Variants in RYR3 observed in about 807,000 individuals in gnomAD.
The protein encoded by RYR3 is ryanodine receptor 3.
RYR3 carries 207 observed loss-of-function variants against 584.3 expected under a neutral mutation model. That is an observed-to-expected ratio of 0.35 (90% CI 0.32 to 0.40). The LOEUF (loss-of-function observed/expected upper bound fraction) is 0.40. RYR3 is among the 10% of genes least tolerant of loss of function. RYR3 has a pLI of 1.00. For synonymous variants in RYR3, 2,416 were observed against 2,248.5 expected, an observed-to-expected ratio of 1.07 and a Z score of -2.11; for missense variants, 5,616 against 6,089.2, an observed-to-expected ratio of 0.92 and a Z score of 2.59.
At chr15:33,852,405 C>G (rs1442436281) in intron 94 of RYR3, 1 of 152,172 alleles carries the variant, frequency 6.6e-6, no homozygotes, top group Non-Finnish European at 1.5e-5. Flanking sequence ...AAGATCATCT[C>G]TCTGGGGATG....
At chr15:33,730,252 T>C (rs1259886896) in intron 47 of RYR3, among the ~76,000 whole-genome samples, 1 of 152,238 alleles carries the variant, frequency 6.6e-6, no homozygotes, top group Admixed American at 6.5e-5. Flanking sequence ...AATAATTTAA[T>C]GTTTTTATAA....
intron 20 of RYR3, among the ~76,000 whole-genome samples, chr15:33,626,963 G>A (rs1047381121): frequency 5.9e-5 from 9 of 152,158 alleles, no homozygotes; most frequent in African/African-American, 2.2e-4. Flanking sequence ...GAAGGAAAAT[G>A]TGGGATTGAA....
intron 89 of RYR3, chr15:33,840,520 G>A (rs1218818838): frequency 2.9e-5 from 11 of 381,566 alleles, no homozygotes; most frequent in Middle Eastern, 7.5e-4. Context: ...ATGTCTTTCT[G>A]ACCCTGTGGA....
chr15:33,853,432 CTA>C (rs1416599148), intron 95 of RYR3, 121 bp from the exon 96 acceptor site: 30 of 1,243,670 alleles, frequency 2.4e-5, no homozygotes, highest in African/African-American at 1.2e-4. Flanking sequence ...GCATTTTGAA[CTA>C]TGTCTTCATC....
At position 33,644,445 on chromosome 15, in the gene RYR3, A is replaced by G; in HGVS notation, c.3691A>G (p.Arg1231Gly). 2 of 1,612,936 alleles carry G rather than the reference A, an allele frequency of 1.2e-6. No homozygotes were observed. Among genetic ancestry groups the G allele is most frequent in the Non-Finnish European group, 1.7e-6 (2 of 1,178,928 alleles). ...TGAGCCTTTTGCTGTCAACATGAAC[A>G]GAGATGTTGCTATGTGGTTCAGCAA... Reference protein sequence around the residue: ...GFEPFAVNMNRDVAMWFSKRL... With the variant: ...GFEPFAVNMNGDVAMWFSKRL... Residue 1231 changes from arginine to glycine, a missense_variant, in exon 28 of 104, where the codon AGA (arginine) becomes GGA (glycine). Physicochemically the swap from Arg to Gly is moderately radical, Grantham distance 125. Around this residue, in one of 9 missense-constraint regions of RYR3, gnomAD observed 152 missense variants for 200.9 expected, o/e 0.76. Coordinates refer to ENST00000634891, the MANE Select transcript of RYR3 (RefSeq NM_001036.6).
chr15:33,471,227 A>G (rs2048899027), intron 1 of RYR3, among the ~76,000 whole-genome samples: 1 of 152,218 alleles, frequency 6.6e-6, no homozygotes, highest in Admixed American at 6.5e-5. Context: ...AGAAGGTTCC[A>G]GATAGAATGT....
intron 21 of RYR3, among the ~76,000 whole-genome samples, chr15:33,629,391 A>G (rs1034436397): frequency 6.6e-6 from 1 of 152,256 alleles, no homozygotes; most frequent in Non-Finnish European, 1.5e-5. Context: ...AAAAAGTAAA[A>G]TATCTCATAA....
chr15:33,599,797 G>T (rs2059572904), intron 16 of RYR3, among the ~76,000 whole-genome samples: 1 of 152,180 alleles, frequency 6.6e-6, no homozygotes, highest in African/African-American at 2.4e-5. Context: ...GTCTCCTAAA[G>T]CAAAACCTAA....
intron 2 of RYR3, among the ~76,000 whole-genome samples, chr15:33,494,072 G>A (rs910455909): frequency 1.3e-5 from 2 of 149,688 alleles, no homozygotes; most frequent in Admixed American, 6.7e-5. Flanking sequence ...GGGCCTTTGA[G>A]GAATAGGCAA....
chr15:33,801,287 A>G (rs1203851918), intron 68 of RYR3, among the ~76,000 whole-genome samples: 1 of 152,202 alleles, frequency 6.6e-6, no homozygotes, highest in Non-Finnish European at 1.5e-5. Context: ...GGATTGTCAG[A>G]CCAACATTCT....
intron 102 of RYR3, among the ~76,000 whole-genome samples, chr15:33,862,209 G>C (rs1017008946): frequency 6.6e-6 from 1 of 151,570 alleles, no homozygotes; most frequent in African/African-American, 2.4e-5. Flanking sequence ...TTGTAGCTTA[G>C]AGAGTCCTCA....
chr15:33,604,210 A>ACACAT (rs2059804442), intron 18 of RYR3, among the ~76,000 whole-genome samples: 1 of 152,232 alleles, frequency 6.6e-6, no homozygotes. Flanking sequence ...TAACCATGAC[A>ACACAT]CACATTCTTC....
In RYR3 at chr15:33,860,583, T is replaced by C; in HGVS notation, c.14300-12T>C. 6.4e-7 allele frequency: 1 copy of C among 1,559,568 alleles called. No homozygotes were observed. The highest frequency in any genetic ancestry group is 1.2e-5 in the South Asian group (1 of 83,850). ...TACACAGATTGCTTTGTCTTTGTAT[T>C]TAACATTCCAGGTCTTATTATTGAT... On this transcript the variant is annotated splice_polypyrimidine_tract_variant and intron_variant, in intron 100 of 103. Coordinates refer to ENST00000634891, the MANE Select transcript of RYR3 (RefSeq NM_001036.6).
At chr15:33,691,365 G>C (rs7174044) in intron 38 of RYR3, among the ~76,000 whole-genome samples, 40,642 of 152,106 alleles carry the variant, frequency 0.27, 5,946 homozygotes, top group African/African-American at 0.39. Flanking sequence ...GTATAGACAG[G>C]TTAATCAGAA....
chr15:33,789,624 T>A (rs12909999), intron 67 of RYR3, among the ~76,000 whole-genome samples: 1,118 of 11,588 alleles, frequency 0.096, 92 homozygotes, highest in East Asian at 0.26. Flanking sequence ...AGGTTTTATT[T>A]TATATATATA....
Position 33,726,403 on chromosome 15 carries a change from G to A in RYR3, c.6930G>A (p.Lys2310=), listed in dbSNP as rs764082655. 2 of 1,613,118 alleles carry A rather than the reference G, an allele frequency of 1.2e-6. No homozygotes were observed. The highest frequency in any genetic ancestry group is 1.1e-5 in the South Asian group (1 of 90,730). Residue 2310 remains lysine (K), a synonymous_variant, in exon 46 of 104, where the codon AAG becomes AAA. Transcript: ENST00000634891. The stretch of plus-strand genomic sequence containing the variant: ...TCTTCCAGCTCATCCAGACAGGAAA[G>A]GGGGAAGCCATCCGCATCAGGTCCA... ...APEMHLIQTG[K]GEAIRIRSIL...
chr15:33,693,432 G>A (rs1189858861), intron 38 of RYR3, among the ~76,000 whole-genome samples: 3 of 152,242 alleles, frequency 2.0e-5, no homozygotes, highest in African/African-American at 7.2e-5. Context: ...TGTGCCTGGG[G>A]CTACAGCGGC....
chr15:33,747,597 G>T (rs1404008560), intron 53 of RYR3, among the ~76,000 whole-genome samples: 1 of 151,736 alleles, frequency 6.6e-6, no homozygotes, highest in Non-Finnish European at 1.5e-5. Context: ...GCTAATTTTT[G>T]AGTTTTTAGT....
chr15:33,652,350 G>C (rs2062528965), intron 31 of RYR3, among the ~76,000 whole-genome samples: 1 of 152,090 alleles, frequency 6.6e-6, no homozygotes, highest in African/African-American at 2.4e-5. Context: ...CCCCATATAA[G>C]TTTGCCGAAG....
Sources: gnomAD v4.1 joint callset for allele counts (sites outside exome capture counted in the v4.1 genomes callset) on GRCh38, gnomAD v4.1.1 for gene constraint, gnomAD v4.1.1 regional missense constraint, MANE v1.5 for transcripts, NCBI Gene and HGNC (gene_info 2026-07-23, HGNC 2026-07-21) for gene names.